KIF26B: variants seen among roughly 807,000 people sequenced by gnomAD.
The protein encoded by KIF26B is kinesin family member 26B.
Under a neutral mutation model 151.2 loss-of-function variants are expected in KIF26B, and 63 were observed. The observed-to-expected ratio is 0.42, with a 90% confidence interval of 0.34 to 0.51. The LOEUF (loss-of-function observed/expected upper bound fraction) is 0.51. Ranked by LOEUF, KIF26B falls within the 20% of genes least tolerant of loss-of-function variation. The pLI is 0.07. For missense variants in KIF26B, 2,813 were observed against 2,913.6 expected, an observed-to-expected ratio of 0.97 and a Z score of 0.79; for synonymous variants, 1,357 against 1,262.1, an observed-to-expected ratio of 1.08 and a Z score of -1.59.
intron 12 of KIF26B, among the ~76,000 whole-genome samples, chr1:245,692,354 G>A (rs1203134708): frequency 6.6e-6 from 1 of 152,196 alleles, no homozygotes; most frequent in African/African-American, 2.4e-5. Flanking sequence ...GAGTGGGGTA[G>A]TGAAGGCCCA....
intron 2 of KIF26B, among the ~76,000 whole-genome samples, chr1:245,365,390 T>C (rs1265811984): frequency 1.3e-5 from 2 of 152,176 alleles, no homozygotes; most frequent in African/African-American, 4.8e-5. Context: ...CAGTGCGTGC[T>C]GAGGAGCTGT....
intron 10 of KIF26B, among the ~76,000 whole-genome samples, chr1:245,657,274 C>T (rs913148794): frequency 6.6e-6 from 1 of 152,118 alleles, no homozygotes; most frequent in African/African-American, 2.4e-5. Flanking sequence ...TCTTTCAAAC[C>T]ACTTATCAAG....
intron 4 of KIF26B, among the ~76,000 whole-genome samples, chr1:245,436,998 T>C (rs1658951297): frequency 6.6e-6 from 1 of 150,804 alleles, no homozygotes; most frequent in African/African-American, 2.4e-5. Context: ...GTGATTCTCC[T>C]GCCTCAACCT....
At chr1:245,366,602 T>G (rs1672959921) in intron 2 of KIF26B, among the ~76,000 whole-genome samples, 1 of 152,226 alleles carries the variant, frequency 6.6e-6, no homozygotes, top group Admixed American at 6.5e-5. Flanking sequence ...CTTATTTATT[T>G]TTTTAACTTC....
chr1:245,355,541 A>T (rs530602842), intron 2 of KIF26B, among the ~76,000 whole-genome samples: 2 of 149,824 alleles, frequency 1.3e-5, no homozygotes, highest in East Asian at 4.0e-4. Context: ...GGCTGCAGTG[A>T]GCTGTGATCA....
intron 2 of KIF26B, among the ~76,000 whole-genome samples, chr1:245,323,865 C>T (rs984591956): frequency 9.9e-5 from 15 of 151,734 alleles, no homozygotes; most frequent in African/African-American, 2.2e-4. Flanking sequence ...TGGTGTGGAC[C>T]CTGCCGTGGG....
At chr1:245,301,910 C>G (rs1325089869) in intron 2 of KIF26B, among the ~76,000 whole-genome samples, 2 of 152,180 alleles carry the variant, frequency 1.3e-5, no homozygotes, top group African/African-American at 2.4e-5. Flanking sequence ...ATCCCCAGCA[C>G]CTTGAAAGGC....
intron 9 of KIF26B, among the ~76,000 whole-genome samples, chr1:245,622,712 G>A (rs2043677447): frequency 6.6e-6 from 1 of 152,176 alleles, no homozygotes. Context: ...TGCTGTCCTG[G>A]CAGTAACAGG....
At position 245,540,983 on chromosome 1, in the gene KIF26B, A is replaced by G. The variant is rs560169266; in HGVS notation, c.1350+33A>G. ...CATCCGCCGTCCCTGCCATTTGCCC[A>G]GTGTGCGAGGTTCTGGATCAAGTTT... On this transcript the variant is annotated intron_variant, in intron 5 of 14. Transcript: ENST00000407071. The surrounding 1 kb of genome is among the most constrained non-coding windows in gnomAD (Gnocchi z 4.6). The G allele has an allele frequency of 2.5e-6, 4 of 1,576,646 alleles. No individual in the cohort carries two copies. The South Asian group carries it at 4.6e-5, about 18-fold the overall frequency.
intron 4 of KIF26B, among the ~76,000 whole-genome samples, chr1:245,474,601 T>C (rs1659991904): frequency 6.6e-6 from 1 of 151,280 alleles, no homozygotes; most frequent in Non-Finnish European, 1.5e-5. Context: ...TTAGTAGAGA[T>C]GGGGTTTCAC....
Position 245,342,595 on chromosome 1 carries a change from G to A in KIF26B, c.466-24239G>A, listed in dbSNP as rs571921868. Among the ~76,000 whole-genome samples, 9 of 152,120 alleles carry A rather than the reference G, an allele frequency of 5.9e-5. No individual in the cohort carries two copies. In the East Asian group the frequency reaches 1.4e-3, roughly 23 times the overall value. On this transcript the variant is annotated intron_variant, in intron 2 of 14. Coordinates refer to ENST00000407071, the MANE Select transcript of KIF26B (RefSeq NM_018012.4). ...TTTTCCCTATTTTTCCCAAAGACCC[G>A]GGGCTGGAGGCCTGTAAAGGGACCA...
chr1:245,678,506 T>C (rs964286424), intron 10 of KIF26B, among the ~76,000 whole-genome samples: 1 of 152,102 alleles, frequency 6.6e-6, no homozygotes, highest in Non-Finnish European at 1.5e-5. Context: ...GGCTATCTCA[T>C]GCGTGTAAGA....
At chr1:245,390,940 A>AAAAAAAAAC (rs1673677362) in intron 3 of KIF26B, among the ~76,000 whole-genome samples, 2 of 146,748 alleles carry the variant, frequency 1.4e-5, no homozygotes, top group African/African-American at 5.1e-5. Context: ...AAAAAAAAAA[A>AAAAAAAAAC]AAAAAAAAAA....
Position 245,390,946 on chromosome 1 carries a change from A to C in KIF26B, c.999+23579A>C, listed in dbSNP as rs934233830. Among the ~76,000 whole-genome samples the C allele has an allele frequency of 2.0e-5, 3 of 148,194 alleles. 1 individual carries two copies. Among genetic ancestry groups the C allele is most frequent in the African/African-American group, 7.5e-5 (3 of 40,024 alleles). ...CAAAAAAAAAAAAAAAAAAAAAAAA[A>C]AAAAAACCACCATAAAATTTTGAGC... is the stretch of plus-strand genomic sequence containing the variant. On this transcript the variant is annotated intron_variant, in intron 3 of 14. Coordinates refer to ENST00000407071, the MANE Select transcript of KIF26B (RefSeq NM_018012.4).
At chr1:245,699,150 A>T in intron 14 of KIF26B, 113 bp downstream of exon 14, 3 of 1,077,826 alleles carry the variant, frequency 2.8e-6, no homozygotes, top group Non-Finnish European at 2.7e-6. Context: ...CCTCAGTCAC[A>T]GGATGCCCAT....
chr1:245,688,476 G>A lies in KIF26B; in HGVS notation c.5493G>A (p.Ala1831=), dbSNP rs1020808562. 3 of 1,383,068 alleles carry A rather than the reference G, an allele frequency of 2.2e-6. No homozygotes were observed. Among genetic ancestry groups the A allele is most frequent in the East Asian group, 3.1e-5 (1 of 32,746 alleles). 85.7% of individuals were successfully genotyped at this position (1,383,068 alleles called of 1,614,324 possible). A position where few individuals can be genotyped will look rare whatever the true frequency, so the allele number is the denominator to read the frequency against. The change falls in exon 12 of 15, where the codon GCG becomes GCA. Residue 1831 remains alanine (A), a synonymous_variant. Coordinates refer to ENST00000407071, the MANE Select transcript of KIF26B (RefSeq NM_018012.4). ...LQLRAGPEAE[A]RGGALAEDEP... The stretch of plus-strand genomic sequence containing the variant: ...TGCGGGCCGGGCCCGAGGCGGAGGC[G>A]CGCGGGGGGGCCCTGGCCGAGGACG...
chr1:245,623,645 G>A (rs1279304411), intron 9 of KIF26B, among the ~76,000 whole-genome samples: 1 of 152,156 alleles, frequency 6.6e-6, no homozygotes, highest in Non-Finnish European at 1.5e-5. Flanking sequence ...TTCTACATCT[G>A]ACCGCATGTG....
intron 4 of KIF26B, among the ~76,000 whole-genome samples, chr1:245,438,184 C>G (rs1447042271): frequency 6.6e-6 from 1 of 152,166 alleles, no homozygotes; most frequent in Non-Finnish European, 1.5e-5. Context: ...TGTTTTAGCA[C>G]CTGTACACCA....
chr1:245,161,377 A>G (rs1174579838), intron 2 of KIF26B, among the ~76,000 whole-genome samples: 1 of 152,224 alleles, frequency 6.6e-6, no homozygotes, highest in East Asian at 1.9e-4. Flanking sequence ...CTGGCCTGCA[A>G]TAATTCCTTC....
Sources: gnomAD v4.1 joint callset for allele counts (sites outside exome capture counted in the v4.1 genomes callset) on GRCh38, gnomAD v4.1.1 for gene constraint, Gnocchi (gnomAD v3.1) non-coding constraint, MANE v1.5 for transcripts, NCBI Gene and HGNC (gene_info 2026-07-23, HGNC 2026-07-21) for gene names.